DNLZ: variants seen among roughly 807,000 people sequenced by gnomAD.
DNLZ encodes DNL-type zinc finger, also known as DNL-type zinc finger protein.
A neutral mutation model predicts 7.8 loss-of-function variants in DNLZ; 15 were observed. That is an observed-to-expected ratio of 1.91 (90% CI 1.28 to 2.95). The LOEUF (loss-of-function observed/expected upper bound fraction) is 2.95, where lower values mean the gene tolerates loss of function less well. Among genes scored for constraint, DNLZ ranks in the 30% most tolerant of loss-of-function variants. The pLI, the probability that DNLZ is intolerant of heterozygous loss-of-function variation, is 0.00. For synonymous variants in DNLZ, 123 were observed against 77.8 expected, an observed-to-expected ratio of 1.58 and a Z score of -3.05; for missense variants, 255 against 167.3, an observed-to-expected ratio of 1.52 and a Z score of -2.89.
chr9:136,359,948 C>G lies in DNLZ; in HGVS notation c.*2064G>C, dbSNP rs1016812463. On this transcript the variant is annotated 3_prime_UTR_variant, in exon 3 of 3. Coordinates refer to ENST00000371738, the MANE Select transcript of DNLZ (RefSeq NM_001080849.3). ...AGCCTGCTGCCGCCCACCCAGCACC[C>G]GGGGGAGGGAGGTCCTTTCCTGGAG... The G allele has an allele frequency of 6.6e-6, 1 of 152,274 alleles. No individual in the cohort carries two copies. Among genetic ancestry groups the G allele is most frequent in the African/African-American group, 2.4e-5 (1 of 41,432 alleles). 9.4% of individuals were successfully genotyped at this position (152,274 alleles called of 1,614,324 possible). A position where few individuals can be genotyped will look rare whatever the true frequency, so the allele number is the denominator to read the frequency against.
At position 136,363,075 on chromosome 9, in the gene DNLZ, G is replaced by T; in HGVS notation, c.282C>A (p.Gly94=). The T allele has an allele frequency of 6.2e-7, 1 of 1,613,698 alleles. No homozygotes were observed. The highest frequency in any genetic ancestry group is 8.5e-7 in the Non-Finnish European group (1 of 1,179,984). The change falls in exon 2 of 3, where the codon GGC becomes GGA. Residue 94 remains glycine (G), a synonymous_variant. Transcript: ENST00000371738. ...KRISKLAYHQ[G]VVIVTCPGCQ... is the part of the protein sequence containing the mutation. ...AGCCGGGGCAGGTCACAATGACCAC[G>T]CCTTGGTGATAGGCCAGCTTGGAGA...
chr9:136,363,539 G>A lies in DNLZ; in HGVS notation c.176C>T (p.Ala59Val), dbSNP rs779545462. Residue 59 changes from alanine (A) to valine (V), a missense_variant, in exon 1 of 3, where the codon GCG becomes GTG. Physicochemically the swap from Ala to Val is moderately conservative, Grantham distance 64. Transcript: ENST00000371738. Reference protein sequence around the residue: ...SSSEQGPGPAAALGRVEAAHY... With the variant: ...SSSEQGPGPAVALGRVEAAHY... ...CGCCGCCTCCACGCGCCCCAGAGCCGCCGCGGGCCCCGGCCCCTGCTCGGA... is the reference window on the plus strand; with the variant it reads ...CGCCGCCTCCACGCGCCCCAGAGCCACCGCGGGCCCCGGCCCCTGCTCGGA... 3 of 731,488 alleles carry A rather than the reference G, an allele frequency of 4.1e-6. No homozygotes were observed. Among genetic ancestry groups the A allele is most frequent in the Non-Finnish European group, 7.5e-6 (3 of 402,662 alleles). 45.3% of individuals were successfully genotyped at this position (731,488 alleles called of 1,614,324 possible). A position where few individuals can be genotyped will look rare whatever the true frequency, so the allele number is the denominator to read the frequency against.
In DNLZ at chr9:136,363,301, C is replaced by T. The variant is rs1031283060; in HGVS notation, c.229-173G>A. The stretch of plus-strand genomic sequence containing the variant: ...GCCCTCTCCCGGGAAGGCCCCGCCC[C>T]AGGGACGGCTCCACCCCTCCTCATG... On this transcript the variant is annotated intron_variant, in intron 1 of 2. Transcript: ENST00000371738. 1.2e-5 allele frequency: 9 copies of T among 728,632 alleles called. No homozygotes were observed. In the African/African-American group the frequency reaches 1.6e-4, roughly 13 times the overall value. 45.1% of individuals were successfully genotyped at this position (728,632 alleles called of 1,614,324 possible). A position where few individuals can be genotyped will look rare whatever the true frequency, so the allele number is the denominator to read the frequency against.
chr9:136,361,908 G>A lies in DNLZ; in HGVS notation c.*104C>T, dbSNP rs1223119981. The A allele has an allele frequency of 2.3e-6, 2 of 880,520 alleles. No homozygotes were observed. Among genetic ancestry groups the A allele is most frequent in the Non-Finnish European group, 3.0e-6 (2 of 662,906 alleles). 54.5% of individuals were successfully genotyped at this position (880,520 alleles called of 1,614,324 possible). A position where few individuals can be genotyped will look rare whatever the true frequency, so the allele number is the denominator to read the frequency against. ...GGGCCACAGGCCCCAGCATCTGGAAGTAATGTCTGTTTATTGATAGAAAAC... is the reference window on the plus strand; with the variant it reads ...GGGCCACAGGCCCCAGCATCTGGAAATAATGTCTGTTTATTGATAGAAAAC... On this transcript the variant is annotated 3_prime_UTR_variant, in exon 3 of 3. Coordinates refer to ENST00000371738, the MANE Select transcript of DNLZ (RefSeq NM_001080849.3).
intron 1 of DNLZ, 152 bp downstream of exon 1, chr9:136,363,335 C>G: frequency 1.5e-6 from 1 of 689,016 alleles, no homozygotes; most frequent in African/African-American, 1.7e-5. Flanking sequence ...TGGTCCGCCT[C>G]CGCTCCCTCC....
At position 136,361,011 on chromosome 9, in the gene DNLZ, A is replaced by T. The variant is rs934285482; in HGVS notation, c.*1001T>A. On this transcript the variant is annotated 3_prime_UTR_variant, in exon 3 of 3. Coordinates refer to ENST00000371738, the MANE Select transcript of DNLZ (RefSeq NM_001080849.3). ...GAAGAGGACAGTTTCCACAAATGGC[A>T]CAGAAGGCTCTGGGTGGGAATAATA... is the stretch of plus-strand genomic sequence containing the variant. 5 of 152,304 alleles carry T rather than the reference A, an allele frequency of 3.3e-5. No individual in the cohort carries two copies. Among genetic ancestry groups the T allele is most frequent in the African/African-American group, 1.2e-4 (5 of 41,456 alleles). The allele number at this position is 152,304 out of a possible 1,614,324, so 9.4% of individuals were successfully genotyped here. A position where few individuals can be genotyped will look rare whatever the true frequency, so the allele number is the denominator to read the frequency against.
In DNLZ at chr9:136,363,045, C is replaced by T; in HGVS notation, c.312G>A (p.Gln104=). The T allele has an allele frequency of 6.2e-7, 1 of 1,613,816 alleles. No individual in the cohort carries two copies. The highest frequency in any genetic ancestry group is 8.5e-7 in the Non-Finnish European group (1 of 1,179,972). ...GGTTGTCAGCGATGATATGGTGGTT[C>T]TGGCAGCCGGGGCAGGTCACAATGA... ...GVVIVTCPGC[Q]NHHIIADNLG... The change falls in exon 2 of 3, where the codon CAG becomes CAA. Residue 104 remains glutamine (Q), a synonymous_variant. Transcript: ENST00000371738.
At chr9:136,363,314 A>G (rs1588717538) in intron 1 of DNLZ, 173 bp downstream of exon 1, 3 of 515,014 alleles carry the variant, frequency 5.8e-6, no homozygotes, top group Non-Finnish European at 1.0e-5. Context: ...GGACGGCTCC[A>G]CCCCTCCTCA....
chr9:136,361,982 G>A lies in DNLZ; in HGVS notation c.*30C>T, dbSNP rs767330650. 33 of 1,268,330 alleles carry A rather than the reference G, an allele frequency of 2.6e-5. No individual in the cohort carries two copies. The Middle Eastern group carries it at 9.2e-4, about 35-fold the overall frequency. 78.6% of individuals were successfully genotyped at this position (1,268,330 alleles called of 1,614,324 possible). On this transcript the variant is annotated 3_prime_UTR_variant, in exon 3 of 3. Transcript: ENST00000371738. The stretch of plus-strand genomic sequence containing the variant: ...GGCCAAAACCTCCTTCTGGAAGGCC[G>A]AAGTCCCACAGTGCCGGGGAGCGCA...
Position 136,363,595 on chromosome 9 carries a change from C to A in DNLZ, c.120G>T (p.Arg40=). Reference sequence around the variant, plus strand: ...AGCGCCGCCAGCCCCAGGCCCAGGCCCGCCGCCTCCCCGCGACCTCTGGAC... The same window carrying A: ...AGCGCCGCCAGCCCCAGGCCCAGGCACGCCGCCTCCCCGCGACCTCTGGAC... ...GARPEVAGRR[R]AWAWGWRRSS... is the part of the protein sequence containing the mutation. The change falls in exon 1 of 3, where the codon CGG becomes CGT. Residue 40 remains arginine, a synonymous_variant. Transcript: ENST00000371738. 1 of 583,178 alleles carries A rather than the reference C, an allele frequency of 1.7e-6. No homozygotes were observed. The highest frequency in any genetic ancestry group is 3.5e-5 in the East Asian group (1 of 28,846). The allele number at this position is 583,178 out of a possible 1,614,324, so 36.1% of individuals were successfully genotyped here.
At position 136,363,585 on chromosome 9, in the gene DNLZ, A is replaced by G; in HGVS notation, c.130T>C (p.Trp44Arg). The change falls in exon 1 of 3, where the codon TGG (tryptophan) becomes CGG (arginine). Residue 44 changes from tryptophan (W) to arginine (R), a missense_variant. By Grantham distance (101) the Trp-to-Arg change is moderately radical. Coordinates refer to ENST00000371738, the MANE Select transcript of DNLZ (RefSeq NM_001080849.3). ...EVAGRRRAWAWGWRRSSSEQG... is the reference protein window; with the variant it reads ...EVAGRRRAWARGWRRSSSEQG... ...TCGGAGCTTGAGCGCCGCCAGCCCC[A>G]GGCCCAGGCCCGCCGCCTCCCCGCG... 3 of 601,508 alleles carry G rather than the reference A, an allele frequency of 5.0e-6. No homozygotes were observed. The highest frequency in any genetic ancestry group is 8.8e-6 in the Non-Finnish European group (3 of 339,868). The allele number at this position is 601,508 out of a possible 1,614,324, so 37.3% of individuals were successfully genotyped here. A position where few individuals can be genotyped will look rare whatever the true frequency, so the allele number is the denominator to read the frequency against.
In DNLZ at chr9:136,361,940, C is replaced by A. The variant is rs371364979; in HGVS notation, c.*72G>T. On this transcript the variant is annotated 3_prime_UTR_variant, in exon 3 of 3. Transcript: ENST00000371738. ...CTGTTTATTGATAGAAAACAGGCCA[C>A]GTCCAGAGAGGCCCAGGGCCAAAAC... is the stretch of plus-strand genomic sequence containing the variant. 5.7e-5 allele frequency: 65 copies of A among 1,134,704 alleles called. No homozygotes were observed. The African/African-American group carries it at 9.4e-4, about 16-fold the overall frequency. 70.3% of individuals were successfully genotyped at this position (1,134,704 alleles called of 1,614,324 possible). A position where few individuals can be genotyped will look rare whatever the true frequency, so the allele number is the denominator to read the frequency against.
rs1326672475 is a variant in DNLZ at position 136,361,542 on chromosome 9, CGCCGACGGCCGGCG to C, written c.*456_*469del. ...AGGCAGCCTGGTTTGCTCACTGTTT[CGCCGACGGCCGGCG>C]GCCGAGGACCAGGGCTCAGGTCTGC... On this transcript the variant is annotated 3_prime_UTR_variant, in exon 3 of 3. Coordinates refer to ENST00000371738, the MANE Select transcript of DNLZ (RefSeq NM_001080849.3). 6.5e-6 allele frequency: 1 copy of C among 153,730 alleles called. No individual in the cohort carries two copies. The highest frequency in any genetic ancestry group is 1.4e-5 in the Non-Finnish European group (1 of 69,162). 9.5% of individuals were successfully genotyped at this position (153,730 alleles called of 1,614,324 possible).
At chr9:136,363,466 T>A (rs1833023396) in intron 1 of DNLZ, 21 bp downstream of exon 1, 1 of 761,968 alleles carries the variant, frequency 1.3e-6, no homozygotes, top group Non-Finnish European at 2.4e-6. Context: ...TGTCCCCGGT[T>A]CCGTCCCGCC....
rs1014054317 is a variant in DNLZ, at chr9:136,359,654, G to C, written c.*2358C>G. On this transcript the variant is annotated 3_prime_UTR_variant, in exon 3 of 3. Transcript: ENST00000371738. ...TGGGGGCCTAACCCGGTAAGAGGCTGCACTGTGCAAAGTGTCCACAGATAC... is the reference window on the plus strand; with the variant it reads ...TGGGGGCCTAACCCGGTAAGAGGCTCCACTGTGCAAAGTGTCCACAGATAC... 1.3e-5 allele frequency: 2 copies of C among 152,382 alleles called. No individual in the cohort carries two copies. Among genetic ancestry groups the C allele is most frequent in the African/African-American group, 4.8e-5 (2 of 41,440 alleles). 9.4% of individuals were successfully genotyped at this position (152,382 alleles called of 1,614,324 possible).
At chr9:136,362,675 G>A (rs1000647923) in intron 2 of DNLZ, among the ~76,000 whole-genome samples, 6 of 152,216 alleles carry the variant, frequency 3.9e-5, no homozygotes, top group Admixed American at 6.5e-5. Flanking sequence ...GATGGCAGAG[G>A]GCAAAAAAGT....
In DNLZ at chr9:136,363,099, G is replaced by T. The variant is rs1833013032; in HGVS notation, c.258C>A (p.Ile86=). ...KVCGTRSSKR[I]SKLAYHQGVV... is the part of the protein sequence containing the mutation. ...CGCCTTGGTGATAGGCCAGCTTGGA[G>T]ATGCGCTTGGAGGACCTAGTCCCGC... Residue 86 remains isoleucine, a synonymous_variant, in exon 2 of 3, where the codon ATC becomes ATA. Transcript: ENST00000371738. The T allele has an allele frequency of 1.3e-5, 21 of 1,613,540 alleles. No homozygotes were observed. Among genetic ancestry groups the T allele is most frequent in the Non-Finnish European group, 1.8e-5 (21 of 1,179,980 alleles).
intron 2 of DNLZ, among the ~76,000 whole-genome samples, 176 bp downstream of exon 2, chr9:136,362,807 TAAACTC>T (rs1833005008): frequency 3.3e-5 from 5 of 152,220 alleles, no homozygotes; most frequent in Non-Finnish European, 4.4e-5. Flanking sequence ...GGGGCATACT[TAAACTC>T]AAAAGCTATC....
At chr9:136,362,931 G>A in intron 2 of DNLZ, 58 bp downstream of exon 2, 3 of 1,565,224 alleles carry the variant, frequency 1.9e-6, no homozygotes, top group South Asian at 1.1e-5. Context: ...GGTTCCCCCA[G>A]GGAGGCCAGG....
Sources: gnomAD v4.1 joint callset for allele counts (sites outside exome capture counted in the v4.1 genomes callset) on GRCh38, gnomAD v4.1.1 for gene constraint, MANE v1.5 for transcripts, NCBI Gene and HGNC (gene_info 2026-07-23, HGNC 2026-07-21) for gene names.